Variants in DGKB observed in about 807,000 individuals in gnomAD.
The protein encoded by DGKB is diacylglycerol kinase beta.
A neutral mutation model predicts 114.3 loss-of-function variants in DGKB; 67 were observed. That is an observed-to-expected ratio of 0.59 (90% CI 0.48 to 0.72). DGKB has a LOEUF of 0.72. Among genes scored for constraint, DGKB ranks in the 30% least tolerant of loss-of-function variants. DGKB has a pLI of 0.00. For missense variants in DGKB, 907 were observed against 975.2 expected, an observed-to-expected ratio of 0.93 and a Z score of 0.93; for synonymous variants, 398 against 323.1, an observed-to-expected ratio of 1.23 and a Z score of -2.49.
At chr7:14,702,460 A>C (rs1449585626) in intron 6 of DGKB, among the ~76,000 whole-genome samples, 1 of 152,180 alleles carries the variant, frequency 6.6e-6, no homozygotes, top group Admixed American at 6.5e-5. Context: ...GTTTGAACTA[A>C]TCAAGTAAGG....
In DGKB at chr7:14,872,479, A is replaced by C. The variant is rs564121707; in HGVS notation, c.-188+30113T>G. 7.2e-5 allele frequency among the ~76,000 whole-genome samples: 11 copies of C among 152,268 alleles called. No individual in the cohort carries two copies. In the South Asian group the frequency reaches 2.3e-3, roughly 32 times the overall value. Reference sequence around the variant, plus strand: ...ATTTACAGAAAGTAACTTCACAGCTAAGTTTCTGCCTTATGTTATATGCAC... The same window carrying C: ...ATTTACAGAAAGTAACTTCACAGCTCAGTTTCTGCCTTATGTTATATGCAC... On this transcript the variant is annotated intron_variant, in intron 1 of 25. Coordinates refer to ENST00000402815, the MANE Select transcript of DGKB (RefSeq NM_001350709.2).
intron 4 of DGKB, among the ~76,000 whole-genome samples, chr7:14,748,480 T>G (rs1180260440): frequency 6.6e-6 from 1 of 152,150 alleles, no homozygotes. Context: ...GCTAGTACAA[T>G]GGCCCTGAGG....
At chr7:14,895,583 C>T (rs1005846317) in intron 1 of DGKB, among the ~76,000 whole-genome samples, 13 of 151,724 alleles carry the variant, frequency 8.6e-5, no homozygotes, top group Admixed American at 4.0e-4. Flanking sequence ...TGTTCATATC[C>T]GTCTTTCACC....
intron 2 of DGKB, among the ~76,000 whole-genome samples, chr7:14,787,259 A>G (rs1463157754): frequency 6.6e-6 from 1 of 152,210 alleles, no homozygotes; most frequent in African/African-American, 2.4e-5. Context: ...AATTTTTTAT[A>G]TATTAGCAAT....
chr7:14,708,928 C>A (rs1259860069), intron 6 of DGKB, among the ~76,000 whole-genome samples: 1 of 151,278 alleles, frequency 6.6e-6, no homozygotes, highest in Non-Finnish European at 1.5e-5. Context: ...GTCCAAAACA[C>A]CAAAAGCAAT....
chr7:14,740,536 A>G (rs1478556127), intron 4 of DGKB, among the ~76,000 whole-genome samples: 1 of 152,156 alleles, frequency 6.6e-6, no homozygotes, highest in African/African-American at 2.4e-5. Flanking sequence ...TTTTGTCCCA[A>G]ACTCAATTCC....
At chr7:14,458,298 G>C (rs1328171104) in intron 21 of DGKB, among the ~76,000 whole-genome samples, 1 of 152,026 alleles carries the variant, frequency 6.6e-6, no homozygotes, top group African/African-American at 2.4e-5. Flanking sequence ...TGATAAAATA[G>C]TGTAACAATA....
chr7:14,292,226 C>T (rs17168052), intron 23 of DGKB, among the ~76,000 whole-genome samples: 5 of 152,192 alleles, frequency 3.3e-5, no homozygotes, highest in South Asian at 2.1e-4. Flanking sequence ...CTCATTTACG[C>T]GTTTTCATCT....
intron 6 of DGKB, among the ~76,000 whole-genome samples, chr7:14,714,652 A>C (rs1447859182): frequency 6.6e-6 from 1 of 152,202 alleles, no homozygotes; most frequent in Non-Finnish European, 1.5e-5. Flanking sequence ...TTAATTTTTA[A>C]CTAGAAAACT....
chr7:14,282,785 A>C (rs1235452867), intron 23 of DGKB, among the ~76,000 whole-genome samples: 2 of 152,206 alleles, frequency 1.3e-5, no homozygotes, highest in African/African-American at 4.8e-5. Context: ...CAATAGATGC[A>C]GAAAAGGCCT....
At chr7:14,536,845 A>C (rs1331346869) in intron 20 of DGKB, among the ~76,000 whole-genome samples, 2 of 148,234 alleles carry the variant, frequency 1.3e-5, no homozygotes, top group African/African-American at 2.5e-5. Context: ...GAAAGGAAAA[A>C]AACAACAACA....
intron 20 of DGKB, 118 bp from the exon 21 acceptor site, chr7:14,478,343 G>T: frequency 3.2e-6 from 2 of 627,020 alleles, no homozygotes; most frequent in Non-Finnish European, 5.1e-6. Flanking sequence ...CAATATTATT[G>T]CCAAGAAGGT....
intron 4 of DGKB, among the ~76,000 whole-genome samples, chr7:14,740,449 C>T (rs1564070935): frequency 1.3e-5 from 2 of 152,146 alleles, no homozygotes; most frequent in Non-Finnish European, 2.9e-5. Flanking sequence ...ACAGGACACC[C>T]TTTTCTCTCC....
At chr7:14,959,059 G>A (rs1229442064) in intron 1 of DGKB, among the ~76,000 whole-genome samples, 1 of 151,980 alleles carries the variant, frequency 6.6e-6, no homozygotes, top group Non-Finnish European at 1.5e-5. Flanking sequence ...TATTTTGTTT[G>A]GGATTTTATT....
intron 21 of DGKB, among the ~76,000 whole-genome samples, chr7:14,468,670 A>G (rs566426645): frequency 1.5e-4 from 22 of 150,340 alleles, no homozygotes; most frequent in Admixed American, 3.3e-4. Context: ...GTTTGCGTGT[A>G]GGCATACAAG....
At position 14,868,522 on chromosome 7, in the gene DGKB, G is replaced by C. The variant is rs548059446; in HGVS notation, c.-187-27072C>G. ...GCTAATTTTGTGTATCTTCAGTAGAGATGGGGTTTCACCATGTTGGCTAGG... is the reference window on the plus strand; with the variant it reads ...GCTAATTTTGTGTATCTTCAGTAGACATGGGGTTTCACCATGTTGGCTAGG... On this transcript the variant is annotated intron_variant, in intron 1 of 25. Coordinates refer to ENST00000402815, the MANE Select transcript of DGKB (RefSeq NM_001350709.2). 4.5e-4 allele frequency among the ~76,000 whole-genome samples: 68 copies of C among 152,034 alleles called. 1 individual carries two copies. The highest frequency in any genetic ancestry group is 1.6e-3 in the African/African-American group (65 of 41,500).
At position 14,439,226 on chromosome 7, in the gene DGKB, G is replaced by C. The variant is rs73280333; in HGVS notation, c.1835+38935C>G. ...CCTGGTATTAGCTAATGTCATCAGT[G>C]TTAACTTCTATTTCAGTAGAGAAGA... On this transcript the variant is annotated intron_variant, in intron 21 of 25. Coordinates refer to ENST00000402815, the MANE Select transcript of DGKB (RefSeq NM_001350709.2). Among the ~76,000 whole-genome samples the C allele has an allele frequency of 9.2e-3, 1,406 of 152,150 alleles. 24 individuals carry two copies. Among genetic ancestry groups the C allele is most frequent in the African/African-American group, 0.032 (1,346 of 41,500 alleles).
At chr7:14,338,982 G>A (rs974612309) in intron 22 of DGKB, among the ~76,000 whole-genome samples, 4 of 151,938 alleles carry the variant, frequency 2.6e-5, no homozygotes, top group African/African-American at 9.7e-5. Flanking sequence ...CTTTGGGAGA[G>A]ACTCGTTAGC....
chr7:14,451,768 G>A (rs566324493), intron 21 of DGKB, among the ~76,000 whole-genome samples: 17 of 152,190 alleles, frequency 1.1e-4, no homozygotes, highest in African/African-American at 4.1e-4. Context: ...TTAAACCAGA[G>A]AAGACTGAAC....
Sources: gnomAD v4.1 joint callset for allele counts (sites outside exome capture counted in the v4.1 genomes callset) on GRCh38, gnomAD v4.1.1 for gene constraint, MANE v1.5 for transcripts, NCBI Gene and HGNC (gene_info 2026-07-23, HGNC 2026-07-21) for gene names.